ARHGEF10: variants seen among roughly 807,000 people sequenced by gnomAD.
ARHGEF10 encodes the protein Rho guanine nucleotide exchange factor 10, also known as Rho guanine nucleotide exchange factor (GEF) 10.
In ARHGEF10, 140 loss-of-function variants were observed where a neutral mutation model predicts 147.4. The ratio of observed to expected loss-of-function variants is 0.95; its 90% CI spans 0.83 to 1.09. The LOEUF (loss-of-function observed/expected upper bound fraction) is 1.09, where lower values mean the gene tolerates loss of function less well. ARHGEF10 is among the 50% of genes least tolerant of loss of function. ARHGEF10 has a pLI of 0.00. For missense variants in ARHGEF10, 2,222 were observed against 1,752.7 expected (o/e 1.27, Z -4.78); for synonymous variants, 902 against 695.8 (o/e 1.30, Z -4.67).
intron 1 of ARHGEF10, among the ~76,000 whole-genome samples, chr8:1,838,564 A>G (rs554896927): frequency 6.6e-6 from 1 of 152,364 alleles, no homozygotes; most frequent in Admixed American, 6.5e-5. Context: ...ATTCCTTCAA[A>G]GAGCCACGCA....
intron 6 of ARHGEF10, among the ~76,000 whole-genome samples, chr8:1,867,450 C>T (rs1371409147): frequency 6.6e-6 from 1 of 152,202 alleles, no homozygotes; most frequent in Non-Finnish European, 1.5e-5. Flanking sequence ...CAGTCTGCAA[C>T]GTAAACAGAG....
At chr8:1,889,777 AG>A (rs1809272165) in intron 11 of ARHGEF10, among the ~76,000 whole-genome samples, 2 of 135,286 alleles carry the variant, frequency 1.5e-5, no homozygotes, top group Admixed American at 7.1e-5. Flanking sequence ...GGAGACACTG[AG>A]TGGGGTGAGG....
In ARHGEF10 at chr8:1,848,469, C is replaced by T. The variant is rs551641299; in HGVS notation, c.37+5033C>T. 2.6e-5 allele frequency among the ~76,000 whole-genome samples: 4 copies of T among 151,566 alleles called. No individual in the cohort carries two copies. The South Asian group carries it at 6.3e-4, about 24-fold the overall frequency. On this transcript the variant is annotated intron_variant, in intron 2 of 28. Transcript: ENST00000349830. ...GATTTGTCCGGGGGCTTCAGAATAA[C>T]ACAGCAGGATGGGAGATGTGCTGCG...
chr8:1,911,053 A>G (rs1476240219), intron 18 of ARHGEF10, among the ~76,000 whole-genome samples: 1 of 152,238 alleles, frequency 6.6e-6, no homozygotes, highest in Non-Finnish European at 1.5e-5. Flanking sequence ...GAGTGAGTTT[A>G]TCATTGCATT....
At chr8:1,840,503 G>C (rs1012994916) in intron 1 of ARHGEF10, among the ~76,000 whole-genome samples, 1 of 144,174 alleles carries the variant, frequency 6.9e-6, no homozygotes, top group Non-Finnish European at 1.5e-5. Context: ...TCCGGTGTGG[G>C]GACTGTCCGG....
At chr8:1,906,517 A>T (rs1810905127) in intron 17 of ARHGEF10, among the ~76,000 whole-genome samples, 1 of 152,026 alleles carries the variant, frequency 6.6e-6, no homozygotes, top group South Asian at 2.1e-4. Flanking sequence ...AACATGCCCT[A>T]TTTTTCATGC....
chr8:1,903,182 C>G, intron 15 of ARHGEF10, 99 bp from the exon 16 acceptor site: 1 of 1,446,318 alleles, frequency 6.9e-7, no homozygotes, highest in Non-Finnish European at 9.7e-7. Flanking sequence ...TGGCAGATGC[C>G]ACTGCCTCCT....
intron 17 of ARHGEF10, among the ~76,000 whole-genome samples, chr8:1,908,517 C>A (rs535356144): frequency 6.6e-6 from 1 of 152,106 alleles, no homozygotes; most frequent in African/African-American, 2.4e-5. Flanking sequence ...CAGGCGTGAG[C>A]CACCGCGCCC....
intron 11 of ARHGEF10, 125 bp downstream of exon 11, chr8:1,885,832 C>G (rs1414713238): frequency 2.6e-6 from 2 of 779,928 alleles, no homozygotes; most frequent in Non-Finnish European, 4.4e-6. Flanking sequence ...CTCGGGCCCT[C>G]CACTGTAGGT....
chr8:1,881,284 G>T (rs1808171906), intron 9 of ARHGEF10, among the ~76,000 whole-genome samples: 1 of 146,882 alleles, frequency 6.8e-6, no homozygotes, highest in Non-Finnish European at 1.5e-5. Context: ...CCTGCTCTGG[G>T]GCTCAGGGAG....
intron 13 of ARHGEF10, 29 bp downstream of exon 13, chr8:1,894,601 A>G (rs761121716): frequency 2.8e-5 from 45 of 1,608,500 alleles, no homozygotes; most frequent in Non-Finnish European, 3.5e-5. Context: ...CTGGATGTCC[A>G]TGGGGCTCTC....
At chr8:1,899,135 T>G (rs1218078240) in intron 15 of ARHGEF10, among the ~76,000 whole-genome samples, 1 of 152,246 alleles carries the variant, frequency 6.6e-6, no homozygotes, top group African/African-American at 2.4e-5. Context: ...TTCTGAGTGC[T>G]GACGTGACGT....
intron 11 of ARHGEF10, among the ~76,000 whole-genome samples, chr8:1,892,661 C>T (rs541936003): frequency 8.7e-5 from 13 of 148,608 alleles, no homozygotes; most frequent in South Asian, 2.2e-4. Context: ...GGTGTGCTTC[C>T]GTGCGCGCAC....
intron 27 of ARHGEF10, among the ~76,000 whole-genome samples, chr8:1,947,238 T>A (rs552637779): frequency 1.3e-5 from 2 of 152,170 alleles, no homozygotes; most frequent in Admixed American, 6.5e-5. Context: ...GAGGGTGTTA[T>A]GAGAAAAACC....
intron 26 of ARHGEF10, among the ~76,000 whole-genome samples, chr8:1,938,946 C>A (rs1003784966): frequency 6.6e-6 from 1 of 151,110 alleles, no homozygotes; most frequent in African/African-American, 2.4e-5. Flanking sequence ...GAATCCCAGT[C>A]CCCAGAAACC....
At chr8:1,864,308 A>C in intron 4 of ARHGEF10, 65 bp from the exon 5 acceptor site, 1 of 1,523,236 alleles carries the variant, frequency 6.6e-7, no homozygotes, top group Non-Finnish European at 9.1e-7. Context: ...TAAGGGTAAA[A>C]ACATCAACTT....
chr8:1,891,665 G>A (rs1207322899), intron 11 of ARHGEF10, among the ~76,000 whole-genome samples: 1 of 152,152 alleles, frequency 6.6e-6, no homozygotes, highest in East Asian at 1.9e-4. Flanking sequence ...CTCCCTGTGG[G>A]GGCTGCATTC....
In ARHGEF10 at chr8:1,922,873, T is replaced by G. The variant is rs558402154; in HGVS notation, c.2144-91T>G. The G allele has an allele frequency of 9.1e-6, 8 of 874,880 alleles. No individual in the cohort carries two copies. The African/African-American group carries it at 1.3e-4, about 15-fold the overall frequency. The allele number at this position is 874,880 out of a possible 1,614,324, so 54.2% of individuals were successfully genotyped here. ...GATTCACCCCTCAACTTAAAAATTA[T>G]TTAGTATTTGAGTCTTTTCTTCCCT... On this transcript the variant is annotated intron_variant, in intron 18 of 28. Coordinates refer to ENST00000349830, the MANE Select transcript of ARHGEF10 (RefSeq NM_014629.4).
intron 1 of ARHGEF10, 91 bp from the exon 2 acceptor site, chr8:1,843,262 T>G (rs1804231320): frequency 3.2e-6 from 3 of 931,000 alleles, no homozygotes; most frequent in Non-Finnish European, 1.7e-6. Flanking sequence ...AGCTCTTCCT[T>G]TTTGCGGGGT....
Sources: gnomAD v4.1 joint callset for allele counts (sites outside exome capture counted in the v4.1 genomes callset) on GRCh38, gnomAD v4.1.1 for gene constraint, MANE v1.5 for transcripts, NCBI Gene and HGNC (gene_info 2026-07-23, HGNC 2026-07-21) for gene names.